Variants in MYOM1 observed in about 807,000 individuals in gnomAD.
The protein encoded by MYOM1 is myomesin-1.
MYOM1 carries 164 observed loss-of-function variants against 205.3 expected under a neutral mutation model. The ratio of observed to expected loss-of-function variants is 0.80; its 90% confidence interval spans 0.70 to 0.91. MYOM1 has a LOEUF of 0.91. Among genes scored for constraint, MYOM1 ranks in the 40% least tolerant of loss-of-function variants. MYOM1 has a pLI of 0.00. For missense variants in MYOM1, 2,011 were observed against 2,127.3 expected, an observed-to-expected ratio of 0.95 and a Z score of 1.08; for synonymous variants, 772 against 789.4, an observed-to-expected ratio of 0.98 and a Z score of 0.37.
Position 3,189,885 on chromosome 18 carries a change from C to T in MYOM1, c.432-798G>A, listed in dbSNP as rs555751521. On this transcript the variant is annotated intron_variant, in intron 3 of 37. Transcript: ENST00000356443. The surrounding 1 kb of genome is among the most constrained non-coding windows in gnomAD (Gnocchi z 4.8). ...TAGGAGCTTGATCTGGGTTCTGTCA[C>T]TTTGCTGATGTAATGCATTGCCTGG... Among the ~76,000 whole-genome samples, 5 of 152,270 alleles carry T rather than the reference C, an allele frequency of 3.3e-5. No individual in the cohort carries two copies. The highest frequency in any genetic ancestry group is 2.1e-4 in the South Asian group (1 of 4,824).
Position 3,167,049 on chromosome 18 carries a change from A to T in MYOM1, c.1339+1768T>A, listed in dbSNP as rs1313186326. Among the ~76,000 whole-genome samples the T allele has an allele frequency of 2.6e-5, 4 of 152,182 alleles. No homozygotes were observed. In the South Asian group the frequency reaches 8.3e-4, roughly 31 times the overall value. On this transcript the variant is annotated intron_variant, in intron 9 of 37. Coordinates refer to ENST00000356443, the MANE Select transcript of MYOM1 (RefSeq NM_003803.4). ...AGATATGTATGTACGGGCAAATTCA[A>T]TTTCTTAAATTTCAATGCTTTTTTC...
intron 10 of MYOM1, among the ~76,000 whole-genome samples, chr18:3,163,614 G>A (rs984205974): frequency 2.7e-5 from 4 of 150,672 alleles, no homozygotes; most frequent in Non-Finnish European, 4.4e-5. Flanking sequence ...CACCATGCCC[G>A]GCTAATTTTT....
At chr18:3,129,672 G>A (rs2143881006) in intron 17 of MYOM1, 153 bp from the exon 18 acceptor site, 2 of 694,270 alleles carry the variant, frequency 2.9e-6, no homozygotes, top group African/African-American at 1.8e-5. Context: ...CAAGAAATAT[G>A]GAAAGACTAC....
chr18:3,089,239 G>A lies in MYOM1; in HGVS notation c.4072C>T (p.Pro1358Ser), dbSNP rs2079191703. ...QRQEWIRKQG[P>S]HFVEYLSWEV... ...CAGCTCAAATACTCAACAAAGTGAG[G>A]ACCTATAAAATTTTAATGACATTAG... The change falls in exon 29 of 38, where the codon CCT (proline) becomes TCT (serine). Residue 1358 changes from proline (P) to serine (S), a missense_variant and splice_region_variant. By Grantham distance (74) the Pro-to-Ser change is moderately conservative. Coordinates refer to ENST00000356443, the MANE Select transcript of MYOM1 (RefSeq NM_003803.4). 3 of 1,609,904 alleles carry A rather than the reference G, an allele frequency of 1.9e-6. No individual in the cohort carries two copies. The highest frequency in any genetic ancestry group is 2.5e-6 in the Non-Finnish European group (3 of 1,177,240).
At chr18:3,181,592 T>C (rs1472769542) in intron 5 of MYOM1, among the ~76,000 whole-genome samples, 1 of 152,058 alleles carries the variant, frequency 6.6e-6, no homozygotes, top group African/African-American at 2.4e-5. Context: ...CAAACCCTCA[T>C]AATTTGTGAG....
rs1292753542 is a variant in MYOM1 at position 3,219,845 on chromosome 18, G to C, written c.-71C>G. 6.6e-6 allele frequency: 1 copy of C among 152,314 alleles called. No homozygotes were observed. Among genetic ancestry groups the C allele is most frequent in the Non-Finnish European group, 1.5e-5 (1 of 68,112 alleles). The allele number at this position is 152,314 out of a possible 1,614,324, so 9.4% of individuals were successfully genotyped here. A position where few individuals can be genotyped will look rare whatever the true frequency, so the allele number is the denominator to read the frequency against. On this transcript the variant is annotated 5_prime_UTR_variant, in exon 1 of 38. Coordinates refer to ENST00000356443, the MANE Select transcript of MYOM1 (RefSeq NM_003803.4). This position sits in a 1 kb window ranked among gnomAD's most constrained non-coding sequence, Gnocchi z 4.4. ...ATGGTGGTGGAAATGTTCCGATGAG[G>C]CCGAGGAGCTGGATGAGAGAATGAA...
chr18:3,156,713 C>T (rs1303125236), intron 10 of MYOM1, among the ~76,000 whole-genome samples: 4 of 151,860 alleles, frequency 2.6e-5, no homozygotes, highest in Non-Finnish European at 4.4e-5. Context: ...TCACGCCATT[C>T]TCCTGCCTCA....
intron 36 of MYOM1, among the ~76,000 whole-genome samples, chr18:3,074,735 A>G (rs2079001177): frequency 6.6e-6 from 1 of 152,202 alleles, no homozygotes; most frequent in African/African-American, 2.4e-5. Context: ...AGGAAAATGT[A>G]CAGTATTTGT....
intron 2 of MYOM1, among the ~76,000 whole-genome samples, chr18:3,210,062 C>G (rs1385429919): frequency 6.6e-6 from 1 of 152,156 alleles, no homozygotes; most frequent in Non-Finnish European, 1.5e-5. Context: ...TTTTCGACCT[C>G]ACAACATGAG....
chr18:3,189,491 T>C lies in MYOM1; in HGVS notation c.432-404A>G, dbSNP rs757358073. Among the ~76,000 whole-genome samples the C allele has an allele frequency of 6.6e-6, 1 of 152,046 alleles. No individual in the cohort carries two copies. The highest frequency in any genetic ancestry group is 1.5e-5 in the Non-Finnish European group (1 of 68,008). ...CTCCTGCCTCAGCCTCTCAAGGAGC[T>C]GGGATTACAGGCTCCTGCTACCATG... On this transcript the variant is annotated intron_variant, in intron 3 of 37. Transcript: ENST00000356443. The surrounding 1 kb of genome is among the most constrained non-coding windows in gnomAD (Gnocchi z 4.8).
At position 3,209,858 on chromosome 18, in the gene MYOM1, C is replaced by T. The variant is rs1049345744; in HGVS notation, c.290+5076G>A. Among the ~76,000 whole-genome samples, 2 of 152,172 alleles carry T rather than the reference C, an allele frequency of 1.3e-5. No individual in the cohort carries two copies. Among genetic ancestry groups the T allele is most frequent in the Non-Finnish European group, 2.9e-5 (2 of 68,044 alleles). On this transcript the variant is annotated intron_variant, in intron 2 of 37. Coordinates refer to ENST00000356443, the MANE Select transcript of MYOM1 (RefSeq NM_003803.4). The surrounding 1 kb of genome is among the most constrained non-coding windows in gnomAD (Gnocchi z 4.0). ...CTTATTGTTTCTATAACATGTATTACCTTCTGGTATAAAATATAATTCTAC... is the reference window on the plus strand; with the variant it reads ...CTTATTGTTTCTATAACATGTATTATCTTCTGGTATAAAATATAATTCTAC...
intron 10 of MYOM1, 75 bp downstream of exon 10, chr18:3,164,203 G>A: frequency 6.8e-7 from 1 of 1,464,976 alleles, no homozygotes. Flanking sequence ...TGTTTGAACT[G>A]TTTTGTAATC....
At chr18:3,094,080 T>G in intron 26 of MYOM1, 90 bp downstream of exon 26, 1 of 1,402,356 alleles carries the variant, frequency 7.1e-7, no homozygotes, top group Non-Finnish European at 9.8e-7. Context: ...CACCCAGCGG[T>G]TTTTATAACA....
intron 36 of MYOM1, among the ~76,000 whole-genome samples, chr18:3,072,334 G>A (rs915567588): frequency 7.6e-6 from 1 of 131,690 alleles, no homozygotes; most frequent in Admixed American, 7.7e-5. Context: ...CAGCAGGCGT[G>A]AGCCACCGCA....
the MYOM1 span, among the ~76,000 whole-genome samples, chr18:3,239,481 G>A: frequency 6.6e-6 from 1 of 152,156 alleles, no homozygotes; most frequent in Non-Finnish European, 1.5e-5. Context: ...TGGGCCAGGG[G>A]ATGGTGCCTC....
At chr18:3,166,396 G>A (rs2080472270) in intron 9 of MYOM1, among the ~76,000 whole-genome samples, 1 of 151,466 alleles carries the variant, frequency 6.6e-6, no homozygotes. Flanking sequence ...TCAGCCTCCT[G>A]AGTAGCTGGG....
chr18:3,173,996 A>T lies in MYOM1; in HGVS notation c.1116T>A (p.Tyr372Ter), dbSNP rs377105909. 1 of 1,613,286 alleles carries T rather than the reference A, an allele frequency of 6.2e-7. No individual in the cohort carries two copies. The highest frequency in any genetic ancestry group is 1.1e-5 in the South Asian group (1 of 91,066). Residue 372 changes from tyrosine (Y) to a stop codon, truncating the protein, a stop_gained, in exon 8 of 38, where the codon TAT (tyrosine) becomes TAA (stop). Transcript: ENST00000356443. LOFTEE classifies it high-confidence loss of function. ...AGCGAGTCTCATCAAACTCTCCCTT[A>T]TACCCTAGAGAAGAAAACAGAAACG... is the stretch of plus-strand genomic sequence containing the variant. ...SAYASVVVKR[Y>*]KGEFDETRFH...
At chr18:3,154,650 C>CACACACACAT (rs1259805986) in intron 11 of MYOM1, among the ~76,000 whole-genome samples, 1 of 148,842 alleles carries the variant, frequency 6.7e-6, no homozygotes, top group African/African-American at 2.5e-5. Flanking sequence ...CACACACACA[C>CACACACACAT]ATTTATAATG....
the MYOM1 span, among the ~76,000 whole-genome samples, chr18:3,231,189 G>A: frequency 6.6e-6 from 1 of 152,218 alleles, no homozygotes; most frequent in Non-Finnish European, 1.5e-5. Context: ...GGCGAGCCAA[G>A]CCAATCACAC....
Sources: gnomAD v4.1 joint callset for allele counts (sites outside exome capture counted in the v4.1 genomes callset) on GRCh38, gnomAD v4.1.1 for gene constraint, Gnocchi (gnomAD v3.1) non-coding constraint, MANE v1.5 for transcripts, NCBI Gene and HGNC (gene_info 2026-07-23, HGNC 2026-07-21) for gene names.